Variants in DNMT1 observed in about 807,000 individuals in gnomAD.
The protein encoded by DNMT1 is DNA (cytosine-5)-methyltransferase 1.
Under a neutral mutation model 205.3 loss-of-function variants are expected in DNMT1, and 24 were observed. The observed-to-expected ratio is 0.12, with a 90% CI of 0.08 to 0.16. The LOEUF is 0.16. Among genes scored for constraint, DNMT1 ranks in the 10% least tolerant of loss-of-function variants. DNMT1 has a pLI of 1.00. For missense variants in DNMT1, 1,293 were observed against 2,177.7 expected (o/e 0.59, Z 8.09); for synonymous variants, 817 against 839.8 (o/e 0.97, Z 0.47).
intron 9 of DNMT1, among the ~76,000 whole-genome samples, chr19:10,169,474 G>A (rs565186002): frequency 1.3e-5 from 2 of 151,974 alleles, no homozygotes; most frequent in African/African-American, 2.4e-5. Context: ...GGAGAATGGC[G>A]TGAACTTGGG....
Position 10,159,852 on chromosome 19 carries a change from G to A in DNMT1, c.1160C>T (p.Pro387Leu). The change falls in exon 16 of 41, where the codon CCA (proline) becomes CTA (leucine). Residue 387 changes from proline to leucine, a missense_variant. Physicochemically the swap from Pro to Leu is moderately conservative, Grantham distance 98. Around this residue, in one of 13 missense-constraint regions of DNMT1, gnomAD observed 120 missense variants for 315.9 expected, o/e 0.38. Transcript: ENST00000359526. This position sits in a 1 kb window ranked among gnomAD's most constrained non-coding sequence, Gnocchi z 5.0. ...GAGAGCTGTACGTACCGCGTCTGGT[G>A]GGTGCTGCCCATATTTGAGGTCAGG... is the stretch of plus-strand genomic sequence containing the variant. ...DDPDLKYGQH[P>L]PDAVDEPQML... 6.2e-7 allele frequency: 1 copy of A among 1,614,222 alleles called. No individual in the cohort carries two copies. The highest frequency in any genetic ancestry group is 8.5e-7 in the Non-Finnish European group (1 of 1,180,044).
intron 19 of DNMT1, 27 bp downstream of exon 19, chr19:10,155,826 C>A (rs372893935): frequency 1.2e-6 from 2 of 1,606,928 alleles, no homozygotes; most frequent in African/African-American, 1.3e-5. Flanking sequence ...CAGACCCCGG[C>A]CAGCCTATGA....
intron 12 of DNMT1, chr19:10,163,057 T>C: frequency 1.8e-6 from 1 of 540,904 alleles, no homozygotes; most frequent in South Asian, 2.1e-5. Context: ...CTCCACCTCC[T>C]GGCTTCTAGC....
rs2038289300 is a variant in DNMT1 at position 10,149,513 on chromosome 19, T to C, written c.2526A>G (p.Ser842=). ...LVDECEDMQL[S]YIHSKVKVIY... ...TGACTTTCACTTTGCTGTGGATATATGAAAGCTGCATGTCCTCACATTCAT... is the reference window on the plus strand; with the variant it reads ...TGACTTTCACTTTGCTGTGGATATACGAAAGCTGCATGTCCTCACATTCAT... Residue 842 remains serine (S), a synonymous_variant, in exon 26 of 41, where the codon TCA becomes TCG. Coordinates refer to ENST00000359526, the MANE Select transcript of DNMT1 (RefSeq NM_001130823.3). 1 of 1,614,044 alleles carries C rather than the reference T, an allele frequency of 6.2e-7. No homozygotes were observed. Among genetic ancestry groups the C allele is most frequent in the Non-Finnish European group, 8.5e-7 (1 of 1,180,004 alleles).
chr19:10,157,210 A>C (rs2038475405), intron 17 of DNMT1, among the ~76,000 whole-genome samples: 2 of 152,110 alleles, frequency 1.3e-5, no homozygotes, highest in South Asian at 4.2e-4. Context: ...ACCGGCCCTC[A>C]GCCCCCAGCC....
At chr19:10,155,817 A>T (rs1368435121) in intron 19 of DNMT1, 36 bp downstream of exon 19, 1 of 1,599,074 alleles carries the variant, frequency 6.3e-7, no homozygotes, top group East Asian at 2.2e-5. Flanking sequence ...GGCCCCTTTC[A>T]GACCCCGGCC....
intron 1 of DNMT1, among the ~76,000 whole-genome samples, chr19:10,192,426 G>A (rs1026228606): frequency 2.0e-5 from 3 of 152,012 alleles, no homozygotes; most frequent in Admixed American, 6.6e-5. Context: ...GGTGGCATAC[G>A]CTTGTTTAAG....
chr19:10,135,766 G>A lies in DNMT1; in HGVS notation c.4743C>T (p.Leu1581=), dbSNP rs1435327668. ...GGTGCTTGTCCAGGATGTTGCCGAA[G>A]AGCCGGTAGGTGTCAGGGAAGCCCT... The part of the protein sequence containing the change: ...RSQGFPDTYR[L]FGNILDKHRQ... The change falls in exon 39 of 41, where the codon CTC becomes CTT. Residue 1581 remains leucine, a synonymous_variant. Transcript: ENST00000359526. 2 of 1,604,298 alleles carry A rather than the reference G, an allele frequency of 1.2e-6. No individual in the cohort carries two copies. Among genetic ancestry groups the A allele is most frequent in the Admixed American group, 1.7e-5 (1 of 59,012 alleles).
chr19:10,173,736 C>T, intron 8 of DNMT1, 135 bp downstream of exon 8: 1 of 892,944 alleles, frequency 1.1e-6, no homozygotes, highest in Non-Finnish European at 1.8e-6. Flanking sequence ...AAGTGATTCG[C>T]CCATCTTGGC....
chr19:10,182,597 T>C (rs184386198), intron 1 of DNMT1, among the ~76,000 whole-genome samples: 18 of 151,074 alleles, frequency 1.2e-4, no homozygotes, highest in Admixed American at 9.3e-4. Context: ...AGAGTATGTG[T>C]GTATATATGT....
Position 10,148,352 on chromosome 19 carries a change from C to T in DNMT1, c.2720+532G>A, listed in dbSNP as rs1382374962. On this transcript the variant is annotated intron_variant, in intron 27 of 40. Coordinates refer to ENST00000359526, the MANE Select transcript of DNMT1 (RefSeq NM_001130823.3). ...TCTACTAAAAATACAAAAAACTAGC[C>T]GGGTGTGGTGGCAGGCGCCTGTAGT... Among the ~76,000 whole-genome samples the T allele has an allele frequency of 3.3e-5, 5 of 150,120 alleles. No homozygotes were observed. In the East Asian group the frequency reaches 9.8e-4, roughly 30 times the overall value.
intron 3 of DNMT1, 26 bp downstream of exon 3, chr19:10,180,752 G>A: frequency 3.1e-6 from 5 of 1,608,776 alleles, no homozygotes; most frequent in Non-Finnish European, 4.3e-6. Flanking sequence ...TTTTTCTAGA[G>A]GCTAGGATGC....
chr19:10,181,930 C>T (rs560188254), intron 2 of DNMT1, 111 bp downstream of exon 2: 2 of 929,446 alleles, frequency 2.2e-6, no homozygotes, highest in Middle Eastern at 3.1e-4. Flanking sequence ...ATCTTTGAAA[C>T]TCCATGGGAA....
At chr19:10,177,837 G>A (rs1039710223) in intron 5 of DNMT1, among the ~76,000 whole-genome samples, 13 of 151,390 alleles carry the variant, frequency 8.6e-5, no homozygotes, top group Non-Finnish European at 1.3e-4. Flanking sequence ...AGAGGCTGAG[G>A]CACAAGAATC....
At position 10,151,259 on chromosome 19, in the gene DNMT1, G is replaced by A. The variant is rs144445298; in HGVS notation, c.2265+139C>T. 4.7e-5 allele frequency: 61 copies of A among 1,299,660 alleles called. No homozygotes were observed. In the African/African-American group the frequency reaches 7.0e-4, roughly 15 times the overall value. The allele number at this position is 1,299,660 out of a possible 1,614,324, so 80.5% of individuals were successfully genotyped here. The stretch of plus-strand genomic sequence containing the variant: ...GGAACATGGTCTCTTGGCCAGTCCC[G>A]CTCTTCTCAGGGGCAAACAGACAGG... On this transcript the variant is annotated intron_variant, in intron 24 of 40. Transcript: ENST00000359526. The surrounding 1 kb of genome is among the most constrained non-coding windows in gnomAD (Gnocchi z 5.0).
chr19:10,160,681 G>A (rs2038549446), intron 13 of DNMT1, among the ~76,000 whole-genome samples: 1 of 151,462 alleles, frequency 6.6e-6, no homozygotes, highest in African/African-American at 2.4e-5. Context: ...GATGACTGGA[G>A]GTCAGGAGTT....
Position 10,136,267 on chromosome 19 carries a change from C to T in DNMT1, c.4510G>A (p.Ala1504Thr), listed in dbSNP as rs749413587. The change falls in exon 38 of 41, where the codon GCA becomes ACA. Residue 1504 changes from alanine to threonine, a missense_variant. Transcript: ENST00000359526. ...ATGAGGGTGTTGAACTGCCTGGCTGCGGGGTCGCAGGCTTTGCCGGCTGGA... is the reference window on the plus strand; with the variant it reads ...ATGAGGGTGTTGAACTGCCTGGCTGTGGGGTCGCAGGCTTTGCCGGCTGGA... Reference protein sequence around the residue: ...CVEAGKACDPAARQFNTLIPW... With the variant: ...CVEAGKACDPTARQFNTLIPW... The T allele has an allele frequency of 4.3e-6, 7 of 1,614,038 alleles. No homozygotes were observed. Among genetic ancestry groups the T allele is most frequent in the Admixed American group, 3.3e-5 (2 of 60,006 alleles).
intron 13 of DNMT1, 46 bp downstream of exon 13, chr19:10,162,621 A>T: frequency 1.1e-5 from 1 of 87,100 alleles, no homozygotes; most frequent in Non-Finnish European, 2.2e-5. Context: ...CGTCTTGGGG[A>T]AAAAAAAAAA....
intron 39 of DNMT1, 49 bp from the exon 40 acceptor site, chr19:10,134,356 G>C: frequency 6.4e-7 from 1 of 1,573,108 alleles, no homozygotes; most frequent in Non-Finnish European, 8.7e-7. Flanking sequence ...CCAGGCCCAA[G>C]GCCCGGGGGC....
Sources: allele counts gnomAD v4.1 joint callset (sites outside exome capture counted in the v4.1 genomes callset), GRCh38; gene constraint gnomAD v4.1.1; regional missense constraint gnomAD v4.1.1; non-coding constraint Gnocchi (gnomAD v3.1); transcripts MANE v1.5; gene names NCBI Gene and HGNC (gene_info 2026-07-23, HGNC 2026-07-21).